Variants in PAQR8 observed in about 807,000 individuals in gnomAD.
The protein encoded by PAQR8 is membrane progestin receptor beta.
PAQR8 carries 17 observed loss-of-function variants against 25.2 expected under a neutral mutation model. The observed-to-expected ratio is 0.67, with a 90% CI of 0.46 to 1.01. PAQR8 has a LOEUF of 1.01. Ranked by LOEUF, PAQR8 falls within the 50% of genes least tolerant of loss-of-function variation. The pLI, the probability that PAQR8 is intolerant of heterozygous loss-of-function variation, is 0.00. For missense variants in PAQR8, 392 were observed against 448.4 expected, an observed-to-expected ratio of 0.87 and a Z score of 1.14; for synonymous variants, 204 against 190.6, an observed-to-expected ratio of 1.07 and a Z score of -0.58.
At chr6:52,383,118 C>A (rs1242437867) in intron 1 of PAQR8, among the ~76,000 whole-genome samples, 2 of 152,182 alleles carry the variant, frequency 1.3e-5, no homozygotes, top group African/African-American at 2.4e-5. Flanking sequence ...CAGATAGATA[C>A]ACTAATATAT....
At chr6:52,364,814 G>C (rs1323069342) in intron 1 of PAQR8, among the ~76,000 whole-genome samples, 1 of 152,190 alleles carries the variant, frequency 6.6e-6, no homozygotes, top group African/African-American at 2.4e-5. Flanking sequence ...ATGTATTTAG[G>C]ATTGGAAGGA....
rs1763896598 is a variant in PAQR8 at position 52,405,414 on chromosome 6, A to G, written c.*1136A>G. The stretch of plus-strand genomic sequence containing the variant: ...TACTCAAGTACTGGGATAGGCAAGC[A>G]TGTGTGTTTACTGTGGATTGGTCCC... On this transcript the variant is annotated 3_prime_UTR_variant, in exon 2 of 2. Coordinates refer to ENST00000442253, the MANE Select transcript of PAQR8 (RefSeq NM_133367.5). 6.0e-6 allele frequency: 1 copy of G among 167,148 alleles called. No individual in the cohort carries two copies. Among genetic ancestry groups the G allele is most frequent in the Admixed American group, 6.5e-5 (1 of 15,292 alleles). 10.4% of individuals were successfully genotyped at this position (167,148 alleles called of 1,614,324 possible).
At position 52,362,896 on chromosome 6, in the gene PAQR8, G is replaced by A. The variant is rs1157597004; in HGVS notation, c.-53+647G>A. ...GGGGCTTCTCTGAGAGGGTGGGCGC[G>A]AGGAGCGGAGTTGTGATGGGAACCG... is the stretch of plus-strand genomic sequence containing the variant. On this transcript the variant is annotated intron_variant, in intron 1 of 1. Transcript: ENST00000442253. The surrounding 1 kb of genome is among the most constrained non-coding windows in gnomAD (Gnocchi z 4.1). 1.3e-5 allele frequency among the ~76,000 whole-genome samples: 2 copies of A among 152,136 alleles called. No homozygotes were observed. The highest frequency in any genetic ancestry group is 2.9e-5 in the Non-Finnish European group (2 of 68,018).
chr6:52,386,995 G>C (rs1348649479), intron 1 of PAQR8, among the ~76,000 whole-genome samples: 1 of 152,164 alleles, frequency 6.6e-6, no homozygotes, highest in Non-Finnish European at 1.5e-5. Flanking sequence ...TTCAAATGAA[G>C]CTCTTCTATG....
chr6:52,387,018 AT>A (rs533618903), intron 1 of PAQR8, among the ~76,000 whole-genome samples: 47 of 149,112 alleles, frequency 3.2e-4, no homozygotes, highest in Non-Finnish European at 5.1e-4. Context: ...ATAACTAATG[AT>A]TTTTTTTTTT....
rs188904224 is a variant in PAQR8, at chr6:52,372,613, C to G, written c.-53+10364C>G. Among the ~76,000 whole-genome samples the G allele has an allele frequency of 2.6e-4, 39 of 152,104 alleles. 1 individual carries two copies. Among genetic ancestry groups the G allele is most frequent in the South Asian group, 2.1e-3 (10 of 4,816 alleles). The stretch of plus-strand genomic sequence containing the variant: ...TGTATTTCTCTCTCTCTTTCTTTCT[C>G]TCTCTCTCTTAAACTTTCTGTTATT... On this transcript the variant is annotated intron_variant, in intron 1 of 1. Coordinates refer to ENST00000442253, the MANE Select transcript of PAQR8 (RefSeq NM_133367.5).
At chr6:52,402,632 A>AAAAAG (rs1763848568) in intron 1 of PAQR8, among the ~76,000 whole-genome samples, 3 of 115,246 alleles carry the variant, frequency 2.6e-5, no homozygotes, top group African/African-American at 3.5e-5. Flanking sequence ...AAAAAAAAAA[A>AAAAAG]AAAGAAAGAA....
chr6:52,395,272 CAAAAA>C (rs34239055), intron 1 of PAQR8, among the ~76,000 whole-genome samples: 1 of 93,426 alleles, frequency 1.1e-5, no homozygotes, highest in African/African-American at 4.0e-5. Context: ...GACTTCGTCT[CAAAAA>C]AAAAAAAAAA....
chr6:52,375,166 C>T (rs559330037), intron 1 of PAQR8, among the ~76,000 whole-genome samples: 1 of 152,066 alleles, frequency 6.6e-6, no homozygotes, highest in Non-Finnish European at 1.5e-5. Context: ...CTCTGTGCCA[C>T]TGTTCCCTCC....
intron 1 of PAQR8, among the ~76,000 whole-genome samples, chr6:52,378,269 G>GAAAT (rs1181458726): frequency 1.3e-5 from 2 of 152,252 alleles, no homozygotes; most frequent in Non-Finnish European, 1.5e-5. Flanking sequence ...CAGTGAAGAA[G>GAAAT]AAATGCTATA....
chr6:52,370,255 C>T (rs191376842), intron 1 of PAQR8, among the ~76,000 whole-genome samples: 7 of 152,128 alleles, frequency 4.6e-5, no homozygotes, highest in Admixed American at 4.6e-4. Context: ...CTAACTCGGA[C>T]ACTTGGGAGG....
At position 52,403,929 on chromosome 6, in the gene PAQR8, G is replaced by T; in HGVS notation, c.716G>T (p.Gly239Val). The T allele has an allele frequency of 6.2e-7, 1 of 1,614,186 alleles. No individual in the cohort carries two copies. The highest frequency in any genetic ancestry group is 8.5e-7 in the Non-Finnish European group (1 of 1,180,040). Reference sequence around the variant, plus strand: ...CGTGTGGCGCTCTGTCACCTGGCTGGCTGCCAGGAGCAAGCAGCCTGGTAC... The same window carrying T: ...CGTGTGGCGCTCTGTCACCTGGCTGTCTGCCAGGAGCAAGCAGCCTGGTAC... ...AHRVALCHLA[G>V]CQEQAAWYHT... The change falls in exon 2 of 2, where the codon GGC becomes GTC. Residue 239 changes from glycine to valine, a missense_variant. Gly to Val is a moderately radical substitution (Grantham distance 109). Coordinates refer to ENST00000442253, the MANE Select transcript of PAQR8 (RefSeq NM_133367.5).
chr6:52,394,753 G>A (rs757634928), intron 1 of PAQR8, among the ~76,000 whole-genome samples: 3 of 152,080 alleles, frequency 2.0e-5, no homozygotes, highest in African/African-American at 2.4e-5. Context: ...AACTTAAGAC[G>A]TTTTCAACTT....
chr6:52,392,798 A>G (rs1312882764), intron 1 of PAQR8, among the ~76,000 whole-genome samples: 1 of 152,220 alleles, frequency 6.6e-6, no homozygotes, highest in African/African-American at 2.4e-5. Context: ...ATTTATGATC[A>G]TATTTATCTG....
chr6:52,400,706 C>T (rs1397749594), intron 1 of PAQR8, among the ~76,000 whole-genome samples: 1 of 152,228 alleles, frequency 6.6e-6, no homozygotes, highest in Non-Finnish European at 1.5e-5. Context: ...GCTATACCCC[C>T]ATCCTTTCCC....
chr6:52,369,502 C>T (rs184031113), intron 1 of PAQR8, among the ~76,000 whole-genome samples: 1 of 152,270 alleles, frequency 6.6e-6, no homozygotes, highest in East Asian at 1.9e-4. Flanking sequence ...GTCCTTAACA[C>T]CTGCTCTTTT....
intron 1 of PAQR8, among the ~76,000 whole-genome samples, chr6:52,390,671 A>G (rs907420984): frequency 6.6e-6 from 1 of 152,222 alleles, no homozygotes; most frequent in Non-Finnish European, 1.5e-5. Flanking sequence ...TTCCAATCTA[A>G]GAGAACATCT....
intron 1 of PAQR8, among the ~76,000 whole-genome samples, chr6:52,379,096 C>CAAAAA (rs70977347): frequency 1.1e-5 from 1 of 92,996 alleles, no homozygotes; most frequent in Non-Finnish European, 2.2e-5. Context: ...TACTCTTTAT[C>CAAAAA]AAAAAAAAAA....
chr6:52,392,143 A>T (rs1330828016), intron 1 of PAQR8, among the ~76,000 whole-genome samples: 1 of 152,126 alleles, frequency 6.6e-6, no homozygotes, highest in Non-Finnish European at 1.5e-5. Flanking sequence ...GGAGTTCGAG[A>T]CCAGCCTGGG....
Sources: gnomAD v4.1 joint callset for allele counts (sites outside exome capture counted in the v4.1 genomes callset) on GRCh38, gnomAD v4.1.1 for gene constraint, Gnocchi (gnomAD v3.1) non-coding constraint, MANE v1.5 for transcripts, NCBI Gene and HGNC (gene_info 2026-07-23, HGNC 2026-07-21) for gene names.